VIM: variants seen among roughly 807,000 people sequenced by gnomAD.
VIM encodes vimentin, also known as epididymis secretory sperm binding protein.
Under a neutral mutation model 50.3 loss-of-function variants are expected in VIM, and 18 were observed. The observed-to-expected ratio is 0.36, with a 90% CI of 0.25 to 0.53. The LOEUF is 0.53. VIM is among the 20% of genes least tolerant of loss of function. VIM has a pLI of 0.91. For missense variants in VIM, 551 were observed against 614.7 expected (o/e 0.90, Z 1.10); for synonymous variants, 245 against 248.5 (o/e 0.99, Z 0.13).
rs779995083 is a variant in VIM, at chr10:17,229,671, G to T, written c.249G>T (p.Ser83=). Residue 83 remains serine (S), a synonymous_variant, in exon 2 of 10, where the codon TCG becomes TCT. Coordinates refer to ENST00000544301, the MANE Select transcript of VIM (RefSeq NM_003380.5). ...CCGGGGTGCGGCTCCTGCAGGACTC[G>T]GTGGACTTCTCGCTGGCCGACGCCA... is the stretch of plus-strand genomic sequence containing the variant. ...SVPGVRLLQD[S]VDFSLADAIN... The T allele has an allele frequency of 1.0e-5, 16 of 1,561,272 alleles. No homozygotes were observed. Among genetic ancestry groups the T allele is most frequent in the Non-Finnish European group, 1.3e-5 (15 of 1,152,712 alleles).
chr10:17,233,604 T>C lies in VIM; in HGVS notation c.642T>C (p.Ser214=), dbSNP rs759162591. The C allele has an allele frequency of 6.2e-7, 1 of 1,614,246 alleles. No individual in the cohort carries two copies. The highest frequency in any genetic ancestry group is 1.1e-5 in the South Asian group (1 of 91,084). Residue 214 remains serine (S), a synonymous_variant, in exon 4 of 10, where the codon TCT becomes TCC. Transcript: ENST00000544301. ...QSFRQDVDNA[S]LARLDLERKV... ...CAAAATAGGATGTTGACAATGCGTCTCTGGCACGTCTTGACCTTGAACGCA... is the reference window on the plus strand; with the variant it reads ...CAAAATAGGATGTTGACAATGCGTCCCTGGCACGTCTTGACCTTGAACGCA...
intron 7 of VIM, chr10:17,235,606 C>A: frequency 1.4e-6 from 1 of 695,472 alleles, no homozygotes; most frequent in Non-Finnish European, 2.4e-6. Flanking sequence ...ACCCATAACT[C>A]TGTCAAAGCC....
intron 7 of VIM, 30 bp downstream of exon 7, chr10:17,235,419 T>A: frequency 6.2e-7 from 1 of 1,603,546 alleles, no homozygotes; most frequent in Non-Finnish European, 8.5e-7. Flanking sequence ...ATGCGTGAAC[T>A]AATGGTGACC....
chr10:17,236,369 G>A lies in VIM; in HGVS notation c.1349G>A (p.Arg450Lys). ...RTLLIKTVET[R>K]DGQVINETSQ... ...CTTCTGATTAAGACGGTTGAAACTA[G>A]AGATGGACAGGTTGGTATCTTTTAA... Residue 450 changes from arginine to lysine, a missense_variant, in exon 9 of 10, where the codon AGA becomes AAA. Transcript: ENST00000544301. 6.2e-7 allele frequency: 1 copy of A among 1,611,936 alleles called. No homozygotes were observed. Among genetic ancestry groups the A allele is most frequent in the Non-Finnish European group, 8.5e-7 (1 of 1,178,070 alleles).
chr10:17,230,058 C>G (rs2131679950), intron 2 of VIM, 73 bp downstream of exon 2: 1 of 1,496,444 alleles, frequency 6.7e-7, no homozygotes, highest in African/African-American at 1.4e-5. Flanking sequence ...CCCCCCGGCC[C>G]CCGCGAGAGC....
intron 9 of VIM, 71 bp downstream of exon 9, chr10:17,236,450 T>C (rs1846891088): frequency 1.6e-6 from 2 of 1,278,748 alleles, no homozygotes; most frequent in Admixed American, 3.4e-5. Flanking sequence ...TCAGTGAATC[T>C]GAATCTCAGA....
Position 17,237,436 on chromosome 10 carries a change from G to C in VIM, c.*165G>C. 1 of 646,222 alleles carries C rather than the reference G, an allele frequency of 1.5e-6. No homozygotes were observed. Among genetic ancestry groups the C allele is most frequent in the Non-Finnish European group, 2.7e-6 (1 of 375,284 alleles). The allele number at this position is 646,222 out of a possible 1,614,324, so 40.0% of individuals were successfully genotyped here. A position where few individuals can be genotyped will look rare whatever the true frequency, so the allele number is the denominator to read the frequency against. On this transcript the variant is annotated 3_prime_UTR_variant, in exon 10 of 10. Transcript: ENST00000544301. ...TTCTTAACAACCGACACTCCTACAA[G>C]ATTTAGAAAAAAGTTTACAACATAA...
At chr10:17,234,623 ATT>A in intron 5 of VIM, 68 bp from the exon 6 acceptor site, 1 of 1,533,168 alleles carries the variant, frequency 6.5e-7, no homozygotes, top group Non-Finnish European at 8.9e-7. Flanking sequence ...GAGAAATATG[ATT>A]TTTTTTTTCT....
chr10:17,229,185 T>C (rs1248649668), intron 1 of VIM, 91 bp from the exon 2 acceptor site: 11 of 247,542 alleles, frequency 4.4e-5, no homozygotes, highest in Admixed American at 8.0e-5. Context: ...TAGGTCCCTA[T>C]TGGCTGGCGC....
intron 2 of VIM, chr10:17,230,407 G>T (rs1401986459): frequency 1.7e-6 from 1 of 595,846 alleles, no homozygotes; most frequent in Non-Finnish European, 3.0e-6. Flanking sequence ...ATGGTCCCTC[G>T]GGGGCGGGGA....
At chr10:17,236,411 T>C (rs749014269) in intron 9 of VIM, 32 bp downstream of exon 9, 1 of 1,494,174 alleles carries the variant, frequency 6.7e-7, no homozygotes, top group Non-Finnish European at 9.3e-7. Flanking sequence ...AATAGGGTAA[T>C]CTCAGACAGG....
chr10:17,229,250 A>G, intron 1 of VIM, 26 bp from the exon 2 acceptor site: 1 of 637,456 alleles, frequency 1.6e-6, no homozygotes, highest in East Asian at 3.2e-5. Context: ...CGGGGTTATA[A>G]AAACAGCGCC....
chr10:17,230,904 ATT>A (rs397844940), intron 3 of VIM, 194 bp downstream of exon 3: 7,074 of 450,752 alleles, frequency 0.016, no homozygotes, highest in East Asian at 0.02. Context: ...CCCTTGAGCG[ATT>A]TTTTTTTTTT....
rs1367139172 is a variant in VIM, at chr10:17,235,830, C to T, written c.1230-16C>T. 1 of 1,613,286 alleles carries T rather than the reference C, an allele frequency of 6.2e-7. No individual in the cohort carries two copies. ...ATTTGCCAACAATTTTACTGTTTCT[C>T]TTCATCTGTTTATAGGATTTCTCTG... On this transcript the variant is annotated splice_polypyrimidine_tract_variant and intron_variant, in intron 7 of 9. Transcript: ENST00000544301.
chr10:17,230,790 T>C (rs766828278), intron 3 of VIM, 80 bp downstream of exon 3: 22 of 1,562,038 alleles, frequency 1.4e-5, no homozygotes, highest in Non-Finnish European at 1.9e-5. Context: ...GTTGCTTAAC[T>C]CACGTCTAAA....
At chr10:17,234,174 G>A in intron 5 of VIM, 2 of 476,214 alleles carry the variant, frequency 4.2e-6, no homozygotes, top group South Asian at 4.6e-5. Flanking sequence ...GGAGTGCAGT[G>A]GCAACATCTT....
chr10:17,230,129 G>A (rs774422772), intron 2 of VIM, 144 bp downstream of exon 2: 23 of 1,078,870 alleles, frequency 2.1e-5, no homozygotes, highest in East Asian at 1.6e-4. Flanking sequence ...GGAGAGCGGG[G>A]CTGTGGCTGT....
In VIM at chr10:17,230,904, A is replaced by ATTT. The variant is rs397844940; in HGVS notation, c.624+208_624+210dup. 2,557 of 463,618 alleles carry ATTT rather than the reference A, an allele frequency of 5.5e-3. 60 individuals carry two copies. Among genetic ancestry groups the ATTT allele is most frequent in the African/African-American group, 0.047 (2,196 of 46,468 alleles). The allele number at this position is 463,618 out of a possible 1,614,324, so 28.7% of individuals were successfully genotyped here. On this transcript the variant is annotated intron_variant, in intron 3 of 9. Coordinates refer to ENST00000544301, the MANE Select transcript of VIM (RefSeq NM_003380.5). ...AAATATTAATAAAACCCCTTGAGCG[A>ATTT]TTTTTTTTTTTTTTTTGAGACGGAG...
chr10:17,229,261 C>A lies in VIM; in HGVS notation c.-147-15C>A, dbSNP rs369772242. ...CTAACGGGGTTATAAAAACAGCGCC[C>A]TCGGCGGGGTCCAGTCCTCTGCCAC... is the stretch of plus-strand genomic sequence containing the variant. On this transcript the variant is annotated splice_polypyrimidine_tract_variant and intron_variant, in intron 1 of 9. Transcript: ENST00000544301. 5.7e-6 allele frequency: 4 copies of A among 700,382 alleles called. No individual in the cohort carries two copies. The African/African-American group carries it at 7.4e-5, about 13-fold the overall frequency. 43.4% of individuals were successfully genotyped at this position (700,382 alleles called of 1,614,324 possible).
Sources: allele counts gnomAD v4.1 joint callset, GRCh38; gene constraint gnomAD v4.1.1; transcripts MANE v1.5; gene names NCBI Gene and HGNC (gene_info 2026-07-23, HGNC 2026-07-21).